CCER2: variants seen among roughly 807,000 people sequenced by gnomAD.
The protein encoded by CCER2 is coiled-coil glutamate rich protein 2, also known as coiled-coil domain-containing glutamate-rich protein 2.
Under a neutral mutation model 27.1 loss-of-function variants are expected in CCER2, and 20 were observed. The observed-to-expected ratio is 0.74, with a 90% CI of 0.52 to 1.07. The LOEUF (loss-of-function observed/expected upper bound fraction) is 1.07, where lower values mean the gene tolerates loss of function less well. Ranked by LOEUF, CCER2 falls within the 50% of genes least tolerant of loss-of-function variation. CCER2 has a pLI of 0.00. For missense variants in CCER2, 351 were observed against 344.7 expected, an observed-to-expected ratio of 1.02 and a Z score of -0.14; for synonymous variants, 140 against 144.3, an observed-to-expected ratio of 0.97 and a Z score of 0.21.
chr19:38,909,136 G>T lies in CCER2; in HGVS notation c.*100C>A. The T allele has an allele frequency of 8.0e-7, 1 of 1,255,192 alleles. No individual in the cohort carries two copies. The highest frequency in any genetic ancestry group is 1.1e-6 in the Non-Finnish European group (1 of 900,812). 77.8% of individuals were successfully genotyped at this position (1,255,192 alleles called of 1,614,324 possible). A position where few individuals can be genotyped will look rare whatever the true frequency, so the allele number is the denominator to read the frequency against. On this transcript the variant is annotated 3_prime_UTR_variant, in exon 5 of 5. Coordinates refer to ENST00000571838, the MANE Select transcript of CCER2 (RefSeq NM_001243212.2). ...GGCACGTCCGCCTCCTCCCCTGTTTGGGTAGGGGTGGCGTGGGGTGCTAGG... is the reference window on the plus strand; with the variant it reads ...GGCACGTCCGCCTCCTCCCCTGTTTTGGTAGGGGTGGCGTGGGGTGCTAGG...
Position 38,909,093 on chromosome 19 carries a change from C to T in CCER2, c.*143G>A. 9.7e-7 allele frequency: 1 copy of T among 1,033,062 alleles called. No individual in the cohort carries two copies. Among genetic ancestry groups the T allele is most frequent in the Non-Finnish European group, 1.4e-6 (1 of 715,698 alleles). The allele number at this position is 1,033,062 out of a possible 1,614,324, so 64.0% of individuals were successfully genotyped here. A position where few individuals can be genotyped will look rare whatever the true frequency, so the allele number is the denominator to read the frequency against. On this transcript the variant is annotated 3_prime_UTR_variant, in exon 5 of 5. Coordinates refer to ENST00000571838, the MANE Select transcript of CCER2 (RefSeq NM_001243212.2). The stretch of plus-strand genomic sequence containing the variant: ...CCCCCGGCCCAGCTCAGACTCACCT[C>T]CTTGGGTGTGGTTCCAAGGCACGTC...
chr19:38,911,033 G>C lies in CCER2; in HGVS notation c.241C>G (p.Leu81Val). ...HGCASTEEKG[L>V]LLGDFKKQEA... ...TGCTTCTTGAAATCCCCAAGCAGCAGGCCTTTCTCCTCGGTGGACGCACAG... is the reference window on the plus strand; with the variant it reads ...TGCTTCTTGAAATCCCCAAGCAGCACGCCTTTCTCCTCGGTGGACGCACAG... Residue 81 changes from leucine to valine, a missense_variant, in exon 4 of 5, where the codon CTG becomes GTG. Transcript: ENST00000571838. 2 of 1,474,030 alleles carry C rather than the reference G, an allele frequency of 1.4e-6. No homozygotes were observed. The highest frequency in any genetic ancestry group is 4.9e-5 in the East Asian group (2 of 40,652). The allele number at this position is 1,474,030 out of a possible 1,614,324, so 91.3% of individuals were successfully genotyped here.
At position 38,910,880 on chromosome 19, in the gene CCER2, G is replaced by A. The variant is rs1482746922; in HGVS notation, c.394C>T (p.Gln132Ter). 2.6e-6 allele frequency: 4 copies of A among 1,518,318 alleles called. No homozygotes were observed. Among genetic ancestry groups the A allele is most frequent in the Non-Finnish European group, 3.5e-6 (4 of 1,137,944 alleles). The allele number at this position is 1,518,318 out of a possible 1,614,324, so 94.1% of individuals were successfully genotyped here. Reference sequence around the variant, plus strand: ...TTCTCCTCCTCCTCGTCCTCCTCCTGGTGGAGCTGGCGATGCCCTTGCATG... The same window carrying A: ...TTCTCCTCCTCCTCGTCCTCCTCCTAGTGGAGCTGGCGATGCCCTTGCATG... ...IRMQGHRQLH[Q>*]EEDEEEEKEE... Residue 132 changes from glutamine (Q) to a stop codon, truncating the protein, a stop_gained, in exon 4 of 5, where the codon CAG becomes TAG. Coordinates refer to ENST00000571838, the MANE Select transcript of CCER2 (RefSeq NM_001243212.2). LOFTEE classifies it high-confidence loss of function.
At position 38,910,853 on chromosome 19, in the gene CCER2, C is replaced by T; in HGVS notation, c.421G>A (p.Glu141Lys). Residue 141 changes from glutamate (E) to lysine (K), a missense_variant, in exon 4 of 5, where the codon GAG becomes AAG. Coordinates refer to ENST00000571838, the MANE Select transcript of CCER2 (RefSeq NM_001243212.2). ...HQEEDEEEEK[E>K]ERKRGPMETF... is the part of the protein sequence containing the mutation. ...TCCATGGGCCCCCTCTTCCTCTCCT[C>T]CTTCTCCTCCTCCTCGTCCTCCTCC... The T allele has an allele frequency of 6.6e-7, 1 of 1,525,042 alleles. No individual in the cohort carries two copies. Among genetic ancestry groups the T allele is most frequent in the Non-Finnish European group, 8.8e-7 (1 of 1,141,024 alleles). 94.5% of individuals were successfully genotyped at this position (1,525,042 alleles called of 1,614,324 possible).
At chr19:38,909,998 G>A (rs1174287283) in intron 4 of CCER2, among the ~76,000 whole-genome samples, 3 of 151,800 alleles carry the variant, frequency 2.0e-5, no homozygotes, top group Non-Finnish European at 2.9e-5. Context: ...TCAGCCTCCT[G>A]AGAGCTGGGA....
chr19:38,911,136 C>T (rs1028111515), intron 3 of CCER2, 53 bp from the exon 4 acceptor site: 6 of 1,391,310 alleles, frequency 4.3e-6, no homozygotes, highest in Non-Finnish European at 4.7e-6. Context: ...AAACTGAGGC[C>T]GAGTATGGAG....
intron 4 of CCER2, 28 bp from the exon 5 acceptor site, chr19:38,909,353 G>T: frequency 6.5e-7 from 1 of 1,532,644 alleles, no homozygotes; most frequent in Non-Finnish European, 8.7e-7. Flanking sequence ...GGGGTAGTCA[G>T]CACCCACCTT....
rs1357982429 is a variant in CCER2, at chr19:38,911,075, C to A, written c.199G>T (p.Gly67Trp). Residue 67 changes from glycine (G) to tryptophan (W), a missense_variant, in exon 4 of 5, where the codon GGG becomes TGG. Physicochemically the swap from Gly to Trp is radical, Grantham distance 184 (BLOSUM62 -2). Coordinates refer to ENST00000571838, the MANE Select transcript of CCER2 (RefSeq NM_001243212.2). Reference sequence around the variant, plus strand: ...GACGCACAGCCGTGGGGCTCTGTCCCGCACAACTCTGGCAGAAAGGGAAAG... The same window carrying A: ...GACGCACAGCCGTGGGGCTCTGTCCAGCACAACTCTGGCAGAAAGGGAAAG... ...CTALLHKELC[G>W]TEPHGCASTE... 1 of 1,429,036 alleles carries A rather than the reference C, an allele frequency of 7.0e-7. No individual in the cohort carries two copies. The allele number at this position is 1,429,036 out of a possible 1,614,324, so 88.5% of individuals were successfully genotyped here.
Position 38,910,757 on chromosome 19 carries a change from C to G in CCER2, c.517G>C (p.Ala173Pro), listed in dbSNP as rs962259071. ...GDLQKRVAEK[A>P]SDKETAQFQA... ...AACTGGGCCGTCTCTTTGTCACTGG[C>G]CTTCTCTGCCACCCGCTTCTGGAGG... Residue 173 changes from alanine to proline, a missense_variant, in exon 4 of 5, where the codon GCC (alanine) becomes CCC (proline). Physicochemically the swap from Ala to Pro is conservative, Grantham distance 27 (BLOSUM62 -1). Transcript: ENST00000571838. 5 of 1,534,532 alleles carry G rather than the reference C, an allele frequency of 3.3e-6. No individual in the cohort carries two copies. The African/African-American group carries it at 5.5e-5, about 17-fold the overall frequency.
chr19:38,910,020 C>T lies in CCER2; in HGVS notation c.711+543G>A, dbSNP rs146236119. ...CCTGAGAGCTGGGACCACAGGCGTG[C>T]GCCACCATTGCTGGCTAATTTTTTA... On this transcript the variant is annotated intron_variant, in intron 4 of 4. Transcript: ENST00000571838. 5.7e-4 allele frequency among the ~76,000 whole-genome samples: 87 copies of T among 152,208 alleles called. No homozygotes were observed. In the East Asian group the frequency reaches 0.014, roughly 25 times the overall value.
intron 1 of CCER2, 70 bp from the exon 2 acceptor site, chr19:38,911,922 A>G (rs1462285679): frequency 2.0e-6 from 3 of 1,521,824 alleles, no homozygotes; most frequent in East Asian, 4.9e-5. Context: ...CCCCAGCTCC[A>G]TGGGCGTCCC....
At chr19:38,912,029 C>A in intron 1 of CCER2, 69 bp downstream of exon 1, 1 of 1,503,572 alleles carries the variant, frequency 6.7e-7, no homozygotes, top group South Asian at 1.3e-5. Context: ...GCACTGCCTG[C>A]CCCCTCCCAC....
chr19:38,910,931 A>T lies in CCER2; in HGVS notation c.343T>A (p.Ser115Thr). ...CGGATGGCTTGTTCCTGGACCTCAG[A>T]CTTGTGGGTCCTCTCTGCTACCTCC... ...EEEVAERTHK[S>T]EVQEQAIRMQ... Residue 115 changes from serine to threonine, a missense_variant, in exon 4 of 5, where the codon TCT (serine) becomes ACT (threonine). Coordinates refer to ENST00000571838, the MANE Select transcript of CCER2 (RefSeq NM_001243212.2). 2 of 1,519,046 alleles carry T rather than the reference A, an allele frequency of 1.3e-6. No homozygotes were observed. The allele number at this position is 1,519,046 out of a possible 1,614,324, so 94.1% of individuals were successfully genotyped here. A position where few individuals can be genotyped will look rare whatever the true frequency, so the allele number is the denominator to read the frequency against.
chr19:38,912,037 C>G (rs1236823216), intron 1 of CCER2, 61 bp downstream of exon 1: 25 of 1,511,754 alleles, frequency 1.7e-5, no homozygotes, highest in African/African-American at 2.8e-5. Flanking sequence ...TGCCCCCTCC[C>G]ACTGGAGTCC....
chr19:38,911,885 C>T (rs752974424), intron 1 of CCER2, 33 bp from the exon 2 acceptor site: 53 of 1,533,696 alleles, frequency 3.5e-5, no homozygotes, highest in East Asian at 3.4e-4. Flanking sequence ...TGGGCTTTGC[C>T]GCCCTGGCTG....
At chr19:38,910,121 C>A (rs537693699) in intron 4 of CCER2, among the ~76,000 whole-genome samples, 1 of 152,318 alleles carries the variant, frequency 6.6e-6, no homozygotes, top group Admixed American at 6.5e-5. Flanking sequence ...GATTCTCCCA[C>A]CTTGGCCTCT....
rs571388058 is a variant in CCER2 at position 38,909,177 on chromosome 19, G to A, written c.*59C>T. 169 of 1,495,792 alleles carry A rather than the reference G, an allele frequency of 1.1e-4. No individual in the cohort carries two copies. Among genetic ancestry groups the A allele is most frequent in the Admixed American group, 2.4e-4 (12 of 50,712 alleles). The allele number at this position is 1,495,792 out of a possible 1,614,324, so 92.7% of individuals were successfully genotyped here. A position where few individuals can be genotyped will look rare whatever the true frequency, so the allele number is the denominator to read the frequency against. ...GGGTGCTAGGTGAGGTGGAGGCTTC[G>A]GGGTCAACAGTCCTAAGCCACAGGG... On this transcript the variant is annotated 3_prime_UTR_variant, in exon 5 of 5. Transcript: ENST00000571838.
rs1318359737 is a variant in CCER2 at position 38,909,273 on chromosome 19, G to T, written c.764C>A (p.Thr255Lys). ...EHLRDELKKVTETLGEQLRRE... is the reference protein window; with the variant it reads ...EHLRDELKKVKETLGEQLRRE... Reference sequence around the variant, plus strand: ...CCTGAGCTGCTCCCCCAGCGTCTCTGTCACCTTCTTCAGTTCGTCTCTCAA... The same window carrying T: ...CCTGAGCTGCTCCCCCAGCGTCTCTTTCACCTTCTTCAGTTCGTCTCTCAA... The change falls in exon 5 of 5, where the codon ACA becomes AAA. Residue 255 changes from threonine (T) to lysine (K), a missense_variant. Transcript: ENST00000571838. The T allele has an allele frequency of 2.0e-6, 3 of 1,535,392 alleles. No individual in the cohort carries two copies. Among genetic ancestry groups the T allele is most frequent in the Non-Finnish European group, 2.6e-6 (3 of 1,146,742 alleles).
At chr19:38,911,681 G>C (rs1034636130) in intron 2 of CCER2, 28 bp from the exon 3 acceptor site, 1 of 1,532,608 alleles carries the variant, frequency 6.5e-7, no homozygotes, top group Non-Finnish European at 8.7e-7. Flanking sequence ...CGGGTCAGAG[G>C]GGAGGTTGAG....
Sources: gnomAD v4.1 joint callset for allele counts (sites outside exome capture counted in the v4.1 genomes callset) on GRCh38, gnomAD v4.1.1 for gene constraint, MANE v1.5 for transcripts, NCBI Gene and HGNC (gene_info 2026-07-23, HGNC 2026-07-21) for gene names.